ST6GALNAC3: variants seen among roughly 807,000 people sequenced by gnomAD.
ST6GALNAC3 encodes the protein ST6 N-acetylgalactosaminide alpha-2,6-sialyltransferase 3.
A neutral mutation model predicts 32.7 loss-of-function variants in ST6GALNAC3; 25 were observed. The ratio of observed to expected loss-of-function variants is 0.76; its 90% CI spans 0.56 to 1.07. The LOEUF is 1.07. Ranked by LOEUF, ST6GALNAC3 falls within the 50% of genes least tolerant of loss-of-function variation. The pLI, the probability that ST6GALNAC3 is intolerant of heterozygous loss-of-function variation, is 0.00. For missense variants in ST6GALNAC3, 355 were observed against 382.4 expected (o/e 0.93, Z 0.60); for synonymous variants, 129 against 133.1 (o/e 0.97, Z 0.21).
chr1:76,418,484 A>G (rs1654800664), intron 3 of ST6GALNAC3, among the ~76,000 whole-genome samples: 1 of 152,164 alleles, frequency 6.6e-6, no homozygotes, highest in Non-Finnish European at 1.5e-5. Flanking sequence ...AAGAAATGCC[A>G]TACCTAGATT....
At chr1:76,494,076 T>C (rs1660657409) in intron 3 of ST6GALNAC3, among the ~76,000 whole-genome samples, 3 of 152,056 alleles carry the variant, frequency 2.0e-5, no homozygotes, top group Non-Finnish European at 1.5e-5. Context: ...TGTCTTGATG[T>C]CTTATTACAA....
intron 3 of ST6GALNAC3, among the ~76,000 whole-genome samples, chr1:76,427,433 T>C (rs1319659826): frequency 6.6e-6 from 1 of 152,014 alleles, no homozygotes; most frequent in Non-Finnish European, 1.5e-5. Context: ...TTTAAACAGT[T>C]CCCCAAGTGT....
At chr1:76,504,482 T>C (rs1272712314) in intron 3 of ST6GALNAC3, among the ~76,000 whole-genome samples, 2 of 152,172 alleles carry the variant, frequency 1.3e-5, no homozygotes, top group Non-Finnish European at 2.9e-5. Context: ...CAATATTGAA[T>C]AAGTATCTGG....
chr1:76,539,266 A>G (rs1663831231), intron 3 of ST6GALNAC3, among the ~76,000 whole-genome samples: 1 of 152,198 alleles, frequency 6.6e-6, no homozygotes, highest in Non-Finnish European at 1.5e-5. Flanking sequence ...GCAATGGGGA[A>G]ATGATCTCCT....
intron 1 of ST6GALNAC3, among the ~76,000 whole-genome samples, chr1:76,102,903 A>C (rs1647285434): frequency 6.6e-6 from 1 of 151,992 alleles, no homozygotes; most frequent in Non-Finnish European, 1.5e-5. Context: ...GTTGGTAACA[A>C]ATTCTTTTGT....
At chr1:76,136,068 C>T (rs562324852) in intron 1 of ST6GALNAC3, among the ~76,000 whole-genome samples, 74 of 152,292 alleles carry the variant, frequency 4.9e-4, no homozygotes, top group African/African-American at 1.5e-3. Flanking sequence ...GAAGCTGCAC[C>T]GCCCACCTCT....
chr1:76,403,445 G>T (rs1011015304), intron 2 of ST6GALNAC3, among the ~76,000 whole-genome samples: 1 of 152,014 alleles, frequency 6.6e-6, no homozygotes, highest in African/African-American at 2.4e-5. Context: ...TCATCCCTTT[G>T]ATCAAACATT....
intron 1 of ST6GALNAC3, among the ~76,000 whole-genome samples, chr1:76,080,168 A>T (rs1177339824): frequency 2.0e-5 from 3 of 152,200 alleles, no homozygotes; most frequent in Non-Finnish European, 4.4e-5. Flanking sequence ...TGGGGTGTTG[A>T]CGGTTACTGA....
At chr1:76,579,620 C>CT (rs1173863616) in intron 3 of ST6GALNAC3, among the ~76,000 whole-genome samples, 2 of 151,872 alleles carry the variant, frequency 1.3e-5, no homozygotes, top group Non-Finnish European at 2.9e-5. Context: ...CTCTCCTTTT[C>CT]TTTTTTTCTT....
intron 3 of ST6GALNAC3, among the ~76,000 whole-genome samples, chr1:76,519,140 A>G (rs879757420): frequency 2.6e-5 from 4 of 152,146 alleles, no homozygotes; most frequent in Admixed American, 2.6e-4. Flanking sequence ...CTTTCCTTGT[A>G]TCTCACAGTG....
intron 1 of ST6GALNAC3, among the ~76,000 whole-genome samples, chr1:76,183,405 C>A (rs1222460134): frequency 6.6e-6 from 1 of 151,874 alleles, no homozygotes; most frequent in African/African-American, 2.4e-5. Context: ...AGGTTGGAGA[C>A]AAATAATGAC....
intron 1 of ST6GALNAC3, among the ~76,000 whole-genome samples, chr1:76,161,457 C>T (rs1651802408): frequency 6.6e-6 from 1 of 152,190 alleles, no homozygotes; most frequent in African/African-American, 2.4e-5. Context: ...TCCCCTCAGT[C>T]CTTCATCAAG....
chr1:76,375,433 A>G (rs1651146717), intron 2 of ST6GALNAC3, among the ~76,000 whole-genome samples: 1 of 152,206 alleles, frequency 6.6e-6, no homozygotes, highest in Admixed American at 6.5e-5. Context: ...AAATAGGTTT[A>G]TTTTTGCTAA....
At chr1:76,504,615 C>T (rs1661363771) in intron 3 of ST6GALNAC3, among the ~76,000 whole-genome samples, 1 of 152,026 alleles carries the variant, frequency 6.6e-6, no homozygotes, top group African/African-American at 2.4e-5. Flanking sequence ...CTCGAGGAAC[C>T]TTTATATGCT....
At chr1:76,250,501 G>A (rs1228185099) in intron 1 of ST6GALNAC3, among the ~76,000 whole-genome samples, 5 of 152,140 alleles carry the variant, frequency 3.3e-5, no homozygotes, top group Admixed American at 2.0e-4. Flanking sequence ...ACTTGGAAGC[G>A]TTAATCCATG....
intron 3 of ST6GALNAC3, among the ~76,000 whole-genome samples, chr1:76,565,407 T>G (rs527453732): frequency 6.6e-6 from 1 of 152,252 alleles, no homozygotes; most frequent in African/African-American, 2.4e-5. Flanking sequence ...AGGATGTGTC[T>G]TCTCTCTCCC....
At chr1:76,534,653 G>A (rs1246199504) in intron 3 of ST6GALNAC3, among the ~76,000 whole-genome samples, 1 of 152,040 alleles carries the variant, frequency 6.6e-6, no homozygotes, top group Non-Finnish European at 1.5e-5. Context: ...GATGTTCTTT[G>A]GAGCTCTGTG....
intron 3 of ST6GALNAC3, among the ~76,000 whole-genome samples, chr1:76,602,037 T>C (rs571764710): frequency 6.6e-6 from 1 of 152,220 alleles, no homozygotes; most frequent in East Asian, 1.9e-4. Flanking sequence ...GACTCTGAAA[T>C]AGTCTCTAAT....
At chr1:76,267,969 A>G (rs1168105470) in intron 1 of ST6GALNAC3, among the ~76,000 whole-genome samples, 1 of 152,232 alleles carries the variant, frequency 6.6e-6, no homozygotes. Context: ...CTAACTGAGC[A>G]ACCAAAATGC....
Sources: allele counts gnomAD v4.1 joint callset (sites outside exome capture counted in the v4.1 genomes callset), GRCh38; gene constraint gnomAD v4.1.1; transcripts MANE v1.5; gene names NCBI Gene and HGNC (gene_info 2026-07-23, HGNC 2026-07-21).